The following CYREN variants were observed in gnomAD, a reference collection of about 807,000 sequenced individuals.
The protein encoded by CYREN is cell cycle regulator of NHEJ, also known as cell cycle regulator of non-homologous end joining.
A neutral mutation model predicts 9.7 loss-of-function variants in CYREN; 7 were observed. The observed-to-expected ratio is 0.72, with a 90% confidence interval of 0.41 to 1.36. The LOEUF is 1.36. Among genes scored for constraint, CYREN ranks in the 40% most tolerant of loss-of-function variants. CYREN has a pLI of 0.01. For missense variants in CYREN, 215 were observed against 198.1 expected (o/e 1.09, Z -0.51); for synonymous variants, 76 against 77.9 (o/e 0.98, Z 0.13).
chr7:135,140,078 GTT>G (rs36062417), intron 2 of CYREN, among the ~76,000 whole-genome samples: 3 of 150,762 alleles, frequency 2.0e-5, no homozygotes, highest in South Asian at 2.1e-4. Context: ...TTTTAGAATA[GTT>G]TTTTTTTTCT....
intron 2 of CYREN, among the ~76,000 whole-genome samples, chr7:135,130,563 T>C (rs1222896623): frequency 1.3e-5 from 2 of 151,860 alleles, no homozygotes; most frequent in Non-Finnish European, 2.9e-5. Context: ...ACACATGTTT[T>C]TATTTCCTCT....
At chr7:135,159,970 A>G (rs538671214) in intron 2 of CYREN, among the ~76,000 whole-genome samples, 9 of 152,252 alleles carry the variant, frequency 5.9e-5, no homozygotes, top group Non-Finnish European at 1.0e-4. Flanking sequence ...TATTCACCAT[A>G]GCATTCATAG....
chr7:135,120,705 C>A lies in CYREN; in HGVS notation n.357-26123G>T, dbSNP rs112979071. On this transcript the variant is annotated intron_variant and non_coding_transcript_variant, in intron 2 of 2. Transcript: ENST00000459937. ...ATATGCAGTCACAAGAAACTCATTT[C>A]AAATATGACAATGGAGGCAGGCTGA... Among the ~76,000 whole-genome samples the A allele has an allele frequency of 1.3e-3, 192 of 152,144 alleles. 3 individuals are homozygous for A. The highest frequency in any genetic ancestry group is 4.6e-3 in the African/African-American group (190 of 41,494).
intron 2 of CYREN, among the ~76,000 whole-genome samples, chr7:135,109,637 G>C (rs1825318433): frequency 6.6e-6 from 1 of 152,252 alleles, no homozygotes; most frequent in Non-Finnish European, 1.5e-5. Context: ...TCCCAGGGAA[G>C]TTTGAAACTG....
chr7:135,146,258 G>A (rs949806428), intron 2 of CYREN, among the ~76,000 whole-genome samples: 1 of 152,186 alleles, frequency 6.6e-6, no homozygotes, highest in Middle Eastern at 3.2e-3. Flanking sequence ...CACAGAGTTG[G>A]TGGAGCGGTC....
chr7:135,117,236 A>G (rs968095222), intron 2 of CYREN, among the ~76,000 whole-genome samples: 3 of 114,150 alleles, frequency 2.6e-5, no homozygotes, highest in African/African-American at 8.9e-5. Flanking sequence ...TTATTCCTCC[A>G]TATTGAAATC....
rs1830100981 is a variant in CYREN, at chr7:135,165,930, C to G, written c.*681G>C. 1 of 166,434 alleles carries G rather than the reference C, an allele frequency of 6.0e-6. No homozygotes were observed. Among genetic ancestry groups the G allele is most frequent in the Admixed American group, 6.5e-5 (1 of 15,292 alleles). 10.3% of individuals were successfully genotyped at this position (166,434 alleles called of 1,614,324 possible). A position where few individuals can be genotyped will look rare whatever the true frequency, so the allele number is the denominator to read the frequency against. On this transcript the variant is annotated 3_prime_UTR_variant, in exon 4 of 4. Transcript: ENST00000393114. ...GTGTGATCTCTTGTCCTCAGTGTCT[C>G]TTCTGGGCTCCTGTCCCTCTTGCTT...
At chr7:135,092,385 T>C (rs1200677351) in exon 3 of CYREN, 1 of 152,234 alleles carries the variant, frequency 6.6e-6, no homozygotes, top group African/African-American at 2.4e-5. Context: ...CTTGGTTTAT[T>C]TGAGGTTTAA....
At chr7:135,164,041 C>A (rs1247430444), downstream of CYREN, among the ~76,000 whole-genome samples, 1 of 152,230 alleles carries the variant, frequency 6.6e-6, no homozygotes, top group Non-Finnish European at 1.5e-5. Context: ...GGGCCTTGCC[C>A]TTCACCTCAG....
At chr7:135,169,789 G>A (rs368167425) in intron 1 of CYREN, among the ~76,000 whole-genome samples, 6 of 152,290 alleles carry the variant, frequency 3.9e-5, no homozygotes, top group East Asian at 3.9e-4. Flanking sequence ...CAAGCCAGAA[G>A]CTCCTGAAGC....
At chr7:135,122,127 C>G (rs924818956) in intron 2 of CYREN, among the ~76,000 whole-genome samples, 1 of 152,220 alleles carries the variant, frequency 6.6e-6, no homozygotes, top group African/African-American at 2.4e-5. Context: ...AACTGCCTAA[C>G]ACACTAAGCT....
At chr7:135,156,559 G>T (rs1829798965) in intron 2 of CYREN, among the ~76,000 whole-genome samples, 1 of 151,748 alleles carries the variant, frequency 6.6e-6, no homozygotes, top group African/African-American at 2.4e-5. Flanking sequence ...ATTTCTGCTT[G>T]TTTTTATTTA....
At chr7:135,128,535 G>A in intron 2 of CYREN, 1 of 765,756 alleles carries the variant, frequency 1.3e-6, no homozygotes, top group South Asian at 1.3e-5. Flanking sequence ...TCTGTCCAAG[G>A]TGGAGAAACC....
At chr7:135,121,760 G>A (rs1827166087) in intron 2 of CYREN, among the ~76,000 whole-genome samples, 1 of 152,130 alleles carries the variant, frequency 6.6e-6, no homozygotes, top group African/African-American at 2.4e-5. Context: ...CCACAGAGAG[G>A]AAGAACAGTG....
chr7:135,129,244 T>G (rs1444955069), intron 2 of CYREN: 1 of 1,506,120 alleles, frequency 6.6e-7, no homozygotes, highest in East Asian at 2.3e-5. Flanking sequence ...GGCTACATCA[T>G]GGGTATCTGC....
At chr7:135,103,392 T>C (rs553249802) in intron 2 of CYREN, among the ~76,000 whole-genome samples, 34 of 152,328 alleles carry the variant, frequency 2.2e-4, no homozygotes, top group Non-Finnish European at 4.1e-4. Context: ...CTCACAACTA[T>C]CAATAATCTG....
intron 2 of CYREN, among the ~76,000 whole-genome samples, chr7:135,134,510 C>T (rs1328241363): frequency 6.6e-6 from 1 of 151,958 alleles, no homozygotes; most frequent in East Asian, 1.9e-4. Flanking sequence ...GAGCAAACAA[C>T]TACTTTACTT....
At chr7:135,170,739 C>CA (rs1830608277), upstream of CYREN, 3 of 152,326 alleles carry the variant, frequency 2.0e-5, no homozygotes, top group Non-Finnish European at 4.4e-5. Context: ...CCGCGCGCTC[C>CA]GGGGTCCCGC....
chr7:135,110,494 T>A (rs1825470489), intron 2 of CYREN, among the ~76,000 whole-genome samples: 1 of 152,114 alleles, frequency 6.6e-6, no homozygotes, highest in African/African-American at 2.4e-5. Flanking sequence ...AGTGGGTTCA[T>A]GAGAAGACCT....
Sources: allele counts gnomAD v4.1 joint callset (sites outside exome capture counted in the v4.1 genomes callset), GRCh38; gene constraint gnomAD v4.1.1; transcripts MANE v1.5; gene names NCBI Gene and HGNC (gene_info 2026-07-23, HGNC 2026-07-21).